VAT1L: variants seen among roughly 807,000 people sequenced by gnomAD.
The protein encoded by VAT1L is vesicle amine transport 1 like.
VAT1L carries 34 observed loss-of-function variants against 44.1 expected under a neutral mutation model. The ratio of observed to expected loss-of-function variants is 0.77; its 90% confidence interval spans 0.59 to 1.03. The LOEUF is 1.03. Among genes scored for constraint, VAT1L ranks in the 50% least tolerant of loss-of-function variants. The probability of loss-of-function intolerance (pLI) is 0.00; values close to 1 mark genes in which losing one functional copy is unlikely to be tolerated. For synonymous variants in VAT1L, 253 were observed against 202.2 expected (o/e 1.25, Z -2.13); for missense variants, 615 against 538.8 (o/e 1.14, Z -1.40).
intron 7 of VAT1L, among the ~76,000 whole-genome samples, chr16:77,885,845 CA>C (rs1238639209): frequency 6.6e-6 from 1 of 152,220 alleles, no homozygotes; most frequent in Non-Finnish European, 1.5e-5. Flanking sequence ...ACAGAAATAC[CA>C]CTAGAAAGGC....
At chr16:77,791,015 A>C (rs1567462248) in intron 1 of VAT1L, among the ~76,000 whole-genome samples, 1 of 152,200 alleles carries the variant, frequency 6.6e-6, no homozygotes. Flanking sequence ...CTGCAGGTAC[A>C]TTTGGAATAC....
chr16:77,812,084 C>CTT (rs11298811), intron 1 of VAT1L, among the ~76,000 whole-genome samples: 43 of 130,634 alleles, frequency 3.3e-4, no homozygotes, highest in African/African-American at 1.2e-3. Flanking sequence ...GTCCTTGAAT[C>CTT]TTTTTTTTTT....
At chr16:77,806,748 T>C (rs1442594804) in intron 1 of VAT1L, among the ~76,000 whole-genome samples, 1 of 152,196 alleles carries the variant, frequency 6.6e-6, no homozygotes, top group Non-Finnish European at 1.5e-5. Flanking sequence ...TAACATATCA[T>C]AAAACATAAG....
At chr16:77,881,822 G>A (rs866473390) in intron 6 of VAT1L, among the ~76,000 whole-genome samples, 6 of 152,248 alleles carry the variant, frequency 3.9e-5, no homozygotes, top group Admixed American at 1.3e-4. Context: ...CTCTGTTGCT[G>A]TGGCTGTAAT....
intron 7 of VAT1L, among the ~76,000 whole-genome samples, chr16:77,919,678 T>C (rs1027321176): frequency 6.6e-6 from 1 of 152,232 alleles, no homozygotes; most frequent in African/African-American, 2.4e-5. Context: ...TATCCCTCGC[T>C]TTCTAAATGC....
chr16:77,943,039 C>G (rs139299394), intron 7 of VAT1L, among the ~76,000 whole-genome samples: 2 of 140,512 alleles, frequency 1.4e-5, no homozygotes, highest in Non-Finnish European at 3.1e-5. Context: ...GCCACTGTGC[C>G]CAGCCCACCC....
rs1020321069 is a variant in VAT1L at position 77,818,925 on chromosome 16, G to A, written c.363+1875G>A. ...AATAGCTCTCTTGGTTTGATAGATCGCAAAGGATGATGAAAAGCTGTCACC... is the reference window on the plus strand; with the variant it reads ...AATAGCTCTCTTGGTTTGATAGATCACAAAGGATGATGAAAAGCTGTCACC... On this transcript the variant is annotated intron_variant, in intron 2 of 8. Transcript: ENST00000302536. Among the ~76,000 whole-genome samples, 99 of 152,196 alleles carry A rather than the reference G, an allele frequency of 6.5e-4. 1 individual carries two copies. The highest frequency in any genetic ancestry group is 2.2e-3 in the African/African-American group (90 of 41,450).
At chr16:77,931,608 T>C (rs1334164413) in intron 7 of VAT1L, among the ~76,000 whole-genome samples, 1 of 152,214 alleles carries the variant, frequency 6.6e-6, no homozygotes, top group Non-Finnish European at 1.5e-5. Flanking sequence ...CATCATACGT[T>C]TTAAAAAGTG....
At chr16:77,793,142 T>G (rs1229804695) in intron 1 of VAT1L, among the ~76,000 whole-genome samples, 3 of 152,212 alleles carry the variant, frequency 2.0e-5, no homozygotes, top group Non-Finnish European at 4.4e-5. Flanking sequence ...GACAGGGTCT[T>G]GCTCTGTCAC....
In VAT1L at chr16:77,979,176, G is replaced by A. The variant is rs547622518; in HGVS notation, c.*1481G>A. ...TGTAGCAAATGTCACCTCATTCGTG[G>A]TCTTTTTACCTATCCTAAGCTTATG... is the stretch of plus-strand genomic sequence containing the variant. On this transcript the variant is annotated 3_prime_UTR_variant, in exon 9 of 9. Coordinates refer to ENST00000302536, the MANE Select transcript of VAT1L (RefSeq NM_020927.3). 6.5e-6 allele frequency: 1 copy of A among 152,680 alleles called. No individual in the cohort carries two copies. Among genetic ancestry groups the A allele is most frequent in the South Asian group, 2.1e-4 (1 of 4,816 alleles). 9.5% of individuals were successfully genotyped at this position (152,680 alleles called of 1,614,324 possible).
chr16:77,806,055 G>C (rs1377750317), intron 1 of VAT1L, among the ~76,000 whole-genome samples: 1 of 151,138 alleles, frequency 6.6e-6, no homozygotes, highest in Non-Finnish European at 1.5e-5. Flanking sequence ...TAGAGTCAGG[G>C]TTTCACCATG....
rs2017125642 is a variant in VAT1L at position 77,879,419 on chromosome 16, T to C, written c.882+195T>C. The stretch of plus-strand genomic sequence containing the variant: ...GATTCTCCTGCCTCAGCCTCCCTAG[T>C]AGCTGGGATTACAGGCATGCGCCAC... On this transcript the variant is annotated intron_variant, in intron 6 of 8. Transcript: ENST00000302536. This position sits in a 1 kb window ranked among gnomAD's most constrained non-coding sequence, Gnocchi z 4.1. Among the ~76,000 whole-genome samples the C allele has an allele frequency of 6.6e-6, 1 of 152,192 alleles. No homozygotes were observed. The highest frequency in any genetic ancestry group is 2.4e-5 in the African/African-American group (1 of 41,440).
intron 7 of VAT1L, among the ~76,000 whole-genome samples, chr16:77,946,279 C>CTTTTTCTTTTTTTT (rs2017963665): frequency 1.4e-5 from 1 of 70,428 alleles, no homozygotes. Flanking sequence ...GTTACTTGTT[C>CTTTTTCTTTTTTTT]TTTTTTTTTT....
At chr16:77,799,172 C>G (rs977097829) in intron 1 of VAT1L, among the ~76,000 whole-genome samples, 1 of 151,960 alleles carries the variant, frequency 6.6e-6, no homozygotes, top group Non-Finnish European at 1.5e-5. Context: ...CACATACCAG[C>G]CCCTGGAGAT....
chr16:77,824,025 G>GA (rs1301136728), intron 2 of VAT1L, among the ~76,000 whole-genome samples: 14 of 150,566 alleles, frequency 9.3e-5, no homozygotes, highest in Admixed American at 6.6e-4. Context: ...CTCCATCTCA[G>GA]AAAAAAAAAG....
intron 3 of VAT1L, among the ~76,000 whole-genome samples, chr16:77,843,445 T>C (rs967147378): frequency 6.6e-6 from 1 of 152,218 alleles, no homozygotes; most frequent in Non-Finnish European, 1.5e-5. Flanking sequence ...ATACAAATTT[T>C]ATCTGGCAAA....
chr16:77,933,446 A>G (rs1005439434), intron 7 of VAT1L, among the ~76,000 whole-genome samples: 3 of 152,370 alleles, frequency 2.0e-5, no homozygotes, highest in African/African-American at 7.2e-5. Flanking sequence ...ACTAGTCAGT[A>G]TGTAGAGAAT....
rs961764953 is a variant in VAT1L, at chr16:77,857,366, G to A, written c.580-5382G>A. 2.0e-5 allele frequency among the ~76,000 whole-genome samples: 3 copies of A among 152,124 alleles called. No individual in the cohort carries two copies. The South Asian group carries it at 6.2e-4, about 32-fold the overall frequency. On this transcript the variant is annotated intron_variant, in intron 3 of 8. Coordinates refer to ENST00000302536, the MANE Select transcript of VAT1L (RefSeq NM_020927.3). ...TGATCCTGCATTCACCTCGGGAGTT[G>A]GAGAAGGGAGAATACAGATTTTCTA...
intron 3 of VAT1L, among the ~76,000 whole-genome samples, chr16:77,834,201 TTCTC>T (rs143966251): frequency 1.3e-5 from 2 of 151,938 alleles, no homozygotes; most frequent in South Asian, 2.1e-4. Context: ...TCCTTTCTCT[TTCTC>T]TCTCTCTCTG....
Sources: allele counts gnomAD v4.1 joint callset (sites outside exome capture counted in the v4.1 genomes callset), GRCh38; gene constraint gnomAD v4.1.1; non-coding constraint Gnocchi (gnomAD v3.1); transcripts MANE v1.5; gene names NCBI Gene and HGNC (gene_info 2026-07-23, HGNC 2026-07-21).